The following TYW1 variants were observed in gnomAD, a reference collection of about 807,000 sequenced individuals.
The protein encoded by TYW1 is tRNA-yW synthesizing protein 1 homolog.
Under a neutral mutation model 96.2 loss-of-function variants are expected in TYW1, and 46 were observed. The observed-to-expected ratio is 0.48, with a 90% CI of 0.38 to 0.61. The LOEUF is 0.61. Among genes scored for constraint, TYW1 ranks in the 20% least tolerant of loss-of-function variants. The pLI is 0.00. For synonymous variants in TYW1, 274 were observed against 323.0 expected, an observed-to-expected ratio of 0.85 and a Z score of 1.63; for missense variants, 684 against 909.6, an observed-to-expected ratio of 0.75 and a Z score of 3.19.
At chr7:67,199,610 A>G (rs566558453) in intron 15 of TYW1, among the ~76,000 whole-genome samples, 1 of 152,312 alleles carries the variant, frequency 6.6e-6, no homozygotes, top group African/African-American at 2.4e-5. Flanking sequence ...TATTGTAAAC[A>G]AAAGCCCTCC....
chr7:67,163,769 A>G (rs1487015071), intron 13 of TYW1, among the ~76,000 whole-genome samples: 1 of 151,516 alleles, frequency 6.6e-6, no homozygotes, highest in African/African-American at 2.4e-5. Flanking sequence ...CCTGGGTTCA[A>G]GTGATTCTCA....
intron 12 of TYW1, among the ~76,000 whole-genome samples, chr7:67,108,852 A>G (rs1797316690): frequency 6.6e-6 from 1 of 152,232 alleles, no homozygotes; most frequent in Non-Finnish European, 1.5e-5. Flanking sequence ...TGTATAGAGC[A>G]TGATATCTGA....
At chr7:67,191,814 A>T (rs1563064174) in intron 14 of TYW1, among the ~76,000 whole-genome samples, 1 of 151,964 alleles carries the variant, frequency 6.6e-6, no homozygotes, top group Non-Finnish European at 1.5e-5. Context: ...GTCACGGTGC[A>T]GCCTCTGGCT....
chr7:67,087,372 CAA>C (rs1465505608), intron 11 of TYW1, among the ~76,000 whole-genome samples: 4 of 151,974 alleles, frequency 2.6e-5, no homozygotes, highest in African/African-American at 9.7e-5. Context: ...GTGAGGAAAA[CAA>C]AAGAGTTTTA....
chr7:67,119,869 C>T (rs940640105), intron 13 of TYW1, among the ~76,000 whole-genome samples: 3 of 152,118 alleles, frequency 2.0e-5, no homozygotes, highest in African/African-American at 7.2e-5. Flanking sequence ...CTCACTGGAG[C>T]CTCCAACTCC....
intron 14 of TYW1, among the ~76,000 whole-genome samples, chr7:67,184,639 T>TTATG (rs1563060426): frequency 8.7e-5 from 4 of 45,924 alleles, no homozygotes; most frequent in Non-Finnish European, 1.8e-4. Context: ...TTTATTTTAT[T>TTATG]TTATTTTATT....
intron 7 of TYW1, among the ~76,000 whole-genome samples, chr7:67,041,394 C>G (rs1054157106): frequency 6.6e-6 from 1 of 152,074 alleles, no homozygotes; most frequent in Non-Finnish European, 1.5e-5. Context: ...GCCCCCGCCT[C>G]CCGGGTTCAT....
At chr7:67,004,557 C>G (rs1411049469) in intron 3 of TYW1, among the ~76,000 whole-genome samples, 1 of 152,234 alleles carries the variant, frequency 6.6e-6, no homozygotes, top group Non-Finnish European at 1.5e-5. Context: ...TTTCAGATAT[C>G]AGAATTGTGA....
At position 67,230,352 on chromosome 7, in the gene TYW1, T is replaced by C. The variant is rs546616425; in HGVS notation, c.1978-7956T>C. Among the ~76,000 whole-genome samples the C allele has an allele frequency of 2.0e-4, 26 of 129,126 alleles. 1 individual carries two copies. Among genetic ancestry groups the C allele is most frequent in the Non-Finnish European group, 3.7e-4 (23 of 62,322 alleles). The allele number at this position is 129,126 out of a possible 152,430, so 84.7% of individuals were successfully genotyped here. On this transcript the variant is annotated intron_variant, in intron 15 of 15. Coordinates refer to ENST00000359626, the MANE Select transcript of TYW1 (RefSeq NM_018264.4). ...TACATTTTTTGGCTGAGGTTGTTGATGTGCTTTTTCCTTTCTTGGATACAG... is the reference window on the plus strand; with the variant it reads ...TACATTTTTTGGCTGAGGTTGTTGACGTGCTTTTTCCTTTCTTGGATACAG...
At chr7:67,207,693 TGG>T (rs1800854874) in intron 15 of TYW1, among the ~76,000 whole-genome samples, 1 of 144,500 alleles carries the variant, frequency 6.9e-6, no homozygotes, top group African/African-American at 2.5e-5. Context: ...TTTTTTTTTT[TGG>T]AGATGGAGTC....
At chr7:67,121,342 C>T (rs1797753163) in intron 13 of TYW1, among the ~76,000 whole-genome samples, 1 of 152,122 alleles carries the variant, frequency 6.6e-6, no homozygotes, top group Non-Finnish European at 1.5e-5. Context: ...TCAAGACCAG[C>T]CCGGTTAATA....
At chr7:67,029,418 T>TACATATATATATATATAC (rs1359150738) in intron 7 of TYW1, among the ~76,000 whole-genome samples, 42 of 131,286 alleles carry the variant, frequency 3.2e-4, no homozygotes, top group Non-Finnish European at 4.9e-4. Flanking sequence ...TGTGTGTGTA[T>TACATATATATATATATAC]ATATATATAT....
intron 14 of TYW1, among the ~76,000 whole-genome samples, chr7:67,191,478 T>A (rs934184635): frequency 6.6e-5 from 10 of 151,788 alleles, no homozygotes; most frequent in African/African-American, 2.4e-4. Context: ...GCTGTACCCA[T>A]CTATTTTCTT....
intron 13 of TYW1, among the ~76,000 whole-genome samples, chr7:67,121,200 T>TA (rs1797749125): frequency 8.0e-6 from 1 of 124,598 alleles, no homozygotes; most frequent in Non-Finnish European, 1.9e-5. Flanking sequence ...ACTTAAAACA[T>TA]ATATTTTGTA....
intron 13 of TYW1, among the ~76,000 whole-genome samples, chr7:67,120,691 T>C (rs1257047380): frequency 6.6e-6 from 1 of 152,180 alleles, no homozygotes; most frequent in Non-Finnish European, 1.5e-5. Flanking sequence ...GCTGTGTTCT[T>C]TGAGTATGGA....
At chr7:67,158,616 C>G (rs200464742) in intron 13 of TYW1, among the ~76,000 whole-genome samples, 1 of 152,130 alleles carries the variant, frequency 6.6e-6, no homozygotes, top group Admixed American at 6.5e-5. Flanking sequence ...GTCGCCCAGG[C>G]TGGAGTGCAG....
intron 13 of TYW1, among the ~76,000 whole-genome samples, chr7:67,136,650 C>CGT (rs59522817): frequency 0.015 from 2,132 of 144,024 alleles, 14 homozygotes; most frequent in Middle Eastern, 0.024. Flanking sequence ...TTATACAGTG[C>CGT]GTGTGTGTGT....
At chr7:67,195,358 GA>G (rs774559809) in intron 15 of TYW1, 21 bp downstream of exon 15, 1 of 1,612,694 alleles carries the variant, frequency 6.2e-7, no homozygotes, top group Admixed American at 1.7e-5. Flanking sequence ...CTCAAACATG[GA>G]TTCTTCTGTT....
chr7:67,108,235 A>G (rs1048630279), intron 12 of TYW1, among the ~76,000 whole-genome samples: 1 of 152,136 alleles, frequency 6.6e-6, no homozygotes, highest in Non-Finnish European at 1.5e-5. Flanking sequence ...AAATCATATA[A>G]CAACTCAAAA....
Sources: allele counts gnomAD v4.1 joint callset (sites outside exome capture counted in the v4.1 genomes callset), GRCh38; gene constraint gnomAD v4.1.1; transcripts MANE v1.5; gene names NCBI Gene and HGNC (gene_info 2026-07-23, HGNC 2026-07-21).